Variants in SPAG1 observed in about 807,000 individuals in gnomAD.
SPAG1 encodes sperm associated antigen 1, also known as sperm-associated antigen 1.
Under a neutral mutation model 100.5 loss-of-function variants are expected in SPAG1, and 69 were observed. The observed-to-expected ratio is 0.69, with a 90% CI of 0.57 to 0.84. The LOEUF is 0.84. SPAG1 is among the 40% of genes least tolerant of loss of function. The pLI is 0.00. For synonymous variants in SPAG1, 336 were observed against 411.6 expected (o/e 0.82, Z 2.22); for missense variants, 955 against 1,133.1 (o/e 0.84, Z 2.26).
At chr8:100,164,008 T>G (rs1207429248) in intron 2 of SPAG1, among the ~76,000 whole-genome samples, 1 of 152,158 alleles carries the variant, frequency 6.6e-6, no homozygotes, top group East Asian at 1.9e-4. Flanking sequence ...TTTCTAGAAA[T>G]GTAAGAGTGA....
Position 100,239,169 on chromosome 8 carries a change from C to A in SPAG1, c.2116-71C>A. On this transcript the variant is annotated intron_variant, in intron 16 of 18. Transcript: ENST00000388798. This position sits in a 1 kb window ranked among gnomAD's most constrained non-coding sequence, Gnocchi z 5.0. ...TACTGCACAGCTCACTACATCCACC[C>A]CACTCCCACTCAGGTTACTCTAGGC... The A allele has an allele frequency of 2.2e-6, 2 of 923,960 alleles. No individual in the cohort carries two copies. Among genetic ancestry groups the A allele is most frequent in the Non-Finnish European group, 3.3e-6 (2 of 609,334 alleles). 57.2% of individuals were successfully genotyped at this position (923,960 alleles called of 1,614,324 possible).
At chr8:100,232,751 A>G (rs1818834403) in intron 15 of SPAG1, among the ~76,000 whole-genome samples, 1 of 152,192 alleles carries the variant, frequency 6.6e-6, no homozygotes, top group Non-Finnish European at 1.5e-5. Flanking sequence ...GTCAGCCCCT[A>G]TTAAAAACCC....
chr8:100,240,476 G>A lies in SPAG1; in HGVS notation c.2354G>A (p.Gly785Glu), dbSNP rs1396281998. The part of the protein sequence containing the change: ...VSMGCLASEK[G>E]GKSSRSPEDP... ...ATGGGATGCCTTGCTTCTGAGAAGG[G>A]AGGCAAAAGCAGCAGGTCACCAGAA... Residue 785 changes from glycine to glutamate, a missense_variant, in exon 18 of 19, where the codon GGA becomes GAA. Physicochemically the swap from Gly to Glu is moderately conservative, Grantham distance 98. Transcript: ENST00000388798. 1.2e-6 allele frequency: 2 copies of A among 1,614,046 alleles called. No homozygotes were observed. The highest frequency in any genetic ancestry group is 1.7e-6 in the Non-Finnish European group (2 of 1,179,940).
intron 14 of SPAG1, among the ~76,000 whole-genome samples, chr8:100,228,558 C>T (rs1193789402): frequency 2.0e-5 from 3 of 151,760 alleles, no homozygotes; most frequent in African/African-American, 7.3e-5. Context: ...ACTAAAAATA[C>T]AAAAATTAGC....
intron 10 of SPAG1, among the ~76,000 whole-genome samples, chr8:100,196,320 C>T (rs940303831): frequency 3.3e-5 from 5 of 152,194 alleles, no homozygotes; most frequent in Admixed American, 3.3e-4. Flanking sequence ...AGTGGCTATA[C>T]CATTTTGCAT....
chr8:100,193,744 C>T (rs1477282911), intron 9 of SPAG1, among the ~76,000 whole-genome samples: 1 of 145,422 alleles, frequency 6.9e-6, no homozygotes, highest in Non-Finnish European at 1.5e-5. Flanking sequence ...AGTGAGACCT[C>T]ATCTCTATAT....
At position 100,213,909 on chromosome 8, in the gene SPAG1, A is replaced by G. The variant is rs1817853602; in HGVS notation, c.1526A>G (p.Asp509Gly). 1 of 1,581,402 alleles carries G rather than the reference A, an allele frequency of 6.3e-7. No homozygotes were observed. The highest frequency in any genetic ancestry group is 1.7e-5 in the Admixed American group (1 of 59,518). Residue 509 changes from aspartate (D) to glycine (G), a missense_variant, in exon 12 of 19, where the codon GAT (aspartate) becomes GGT (glycine). Transcript: ENST00000388798. Reference protein sequence around the residue: ...KEGNCSGCIQDCNRALELHPF... With the variant: ...KEGNCSGCIQGCNRALELHPF... The stretch of plus-strand genomic sequence containing the variant: ...GGAAACTGCAGTGGCTGCATTCAAG[A>G]TTGTAACAGGTAAACTGCACGTTTT...
rs982080039 is a variant in SPAG1, at chr8:100,240,843, T to G, written c.2650-48T>G. 4 of 1,573,696 alleles carry G rather than the reference T, an allele frequency of 2.5e-6. No individual in the cohort carries two copies. In the African/African-American group the frequency reaches 5.5e-5, roughly 22 times the overall value. ...TTCTGTAACTTAAAAATGTTACTTA[T>G]GCTAACATAGTTGGTTTTTTGTTTT... On this transcript the variant is annotated intron_variant, in intron 18 of 18. Coordinates refer to ENST00000388798, the MANE Select transcript of SPAG1 (RefSeq NM_003114.5).
intron 3 of SPAG1, among the ~76,000 whole-genome samples, chr8:100,167,065 T>C (rs1815593569): frequency 6.6e-6 from 1 of 152,196 alleles, no homozygotes; most frequent in Non-Finnish European, 1.5e-5. Flanking sequence ...TGCAGTGGTG[T>C]GTGCCTATAG....
intron 16 of SPAG1, among the ~76,000 whole-genome samples, chr8:100,236,820 CCAA>C (rs939827916): frequency 2.0e-5 from 3 of 151,854 alleles, no homozygotes; most frequent in African/African-American, 7.3e-5. Flanking sequence ...GAATTTACAC[CCAA>C]TAGAGGGTGC....
chr8:100,220,384 G>A lies in SPAG1; in HGVS notation c.1641G>A (p.Val547=), dbSNP rs775048089. 1.6e-5 allele frequency: 26 copies of A among 1,613,968 alleles called. No individual in the cohort carries two copies. The highest frequency in any genetic ancestry group is 2.1e-5 in the Non-Finnish European group (25 of 1,179,888). ...YGKAYVDYKT[V]LQIDCGLQLA... is the part of the protein sequence containing the mutation. ...AAGCTTATGTGGATTATAAAACAGT[G>A]TTGCAGATAGACTGTGGACTCCAGC... The change falls in exon 13 of 19, where the codon GTG becomes GTA. Residue 547 remains valine (V), a synonymous_variant. Coordinates refer to ENST00000388798, the MANE Select transcript of SPAG1 (RefSeq NM_003114.5).
chr8:100,169,416 C>G (rs1454706808), intron 3 of SPAG1, among the ~76,000 whole-genome samples: 1 of 152,150 alleles, frequency 6.6e-6, no homozygotes, highest in East Asian at 1.9e-4. Context: ...GACAACACAG[C>G]AAGACCTCAT....
chr8:100,232,575 CCTTT>C (rs1246621358), intron 15 of SPAG1, among the ~76,000 whole-genome samples: 4 of 152,110 alleles, frequency 2.6e-5, no homozygotes, highest in Admixed American at 2.6e-4. Context: ...TCAGTGTGAC[CCTTT>C]CTGTCTCCTT....
At chr8:100,212,272 T>C (rs1188644041) in intron 10 of SPAG1, among the ~76,000 whole-genome samples, 1 of 152,198 alleles carries the variant, frequency 6.6e-6, no homozygotes, top group Non-Finnish European at 1.5e-5. Flanking sequence ...GAATGGAAAA[T>C]ATATCCATTA....
At chr8:100,225,096 T>C in intron 13 of SPAG1, 77 bp from the exon 14 acceptor site, 1 of 1,262,140 alleles carries the variant, frequency 7.9e-7, no homozygotes, top group East Asian at 2.4e-5. Context: ...CATTTGCAAA[T>C]TTTATTCTTA....
chr8:100,240,864 G>GTTTTTTTTTTTTTTTTTTTTTTT, intron 18 of SPAG1, 27 bp from the exon 19 acceptor site: 1 of 1,388,406 alleles, frequency 7.2e-7, no homozygotes, highest in South Asian at 1.4e-5. Flanking sequence ...TTGGTTTTTT[G>GTTTTTTTTTTTTTTTTTTTTTTT]TTTTTTTTTT....
intron 4 of SPAG1, among the ~76,000 whole-genome samples, chr8:100,181,141 C>T (rs1251250383): frequency 1.3e-5 from 2 of 152,200 alleles, no homozygotes; most frequent in Non-Finnish European, 2.9e-5. Flanking sequence ...TAATATTACA[C>T]ATTAGAATTT....
intron 10 of SPAG1, among the ~76,000 whole-genome samples, chr8:100,199,965 T>G (rs1374399177): frequency 6.6e-6 from 1 of 152,096 alleles, no homozygotes; most frequent in East Asian, 1.9e-4. Flanking sequence ...TTTTTTATTA[T>G]ACTTTAAGTT....
intron 3 of SPAG1, among the ~76,000 whole-genome samples, chr8:100,173,432 T>C (rs1815968784): frequency 6.6e-6 from 1 of 152,136 alleles, no homozygotes. Flanking sequence ...ATATTTCTCC[T>C]CTTTGCCCCT....
Sources: allele counts gnomAD v4.1 joint callset (sites outside exome capture counted in the v4.1 genomes callset), GRCh38; gene constraint gnomAD v4.1.1; non-coding constraint Gnocchi (gnomAD v3.1); transcripts MANE v1.5; gene names NCBI Gene and HGNC (gene_info 2026-07-23, HGNC 2026-07-21).